PIK3CA: variants seen among roughly 807,000 people sequenced by gnomAD.
PIK3CA encodes the protein phosphatidylinositol-4,5-bisphosphate 3-kinase catalytic subunit alpha.
PIK3CA carries 27 observed loss-of-function variants against 138.2 expected under a neutral mutation model. The observed-to-expected ratio is 0.20, with a 90% CI of 0.14 to 0.27. The LOEUF (loss-of-function observed/expected upper bound fraction) is 0.27. Ranked by LOEUF, PIK3CA falls within the 10% of genes least tolerant of loss-of-function variation. The pLI, the probability that PIK3CA is intolerant of heterozygous loss-of-function variation, is 1.00. For synonymous variants in PIK3CA, 358 were observed against 413.2 expected, an observed-to-expected ratio of 0.87 and a Z score of 1.62; for missense variants, 544 against 1,277.4, an observed-to-expected ratio of 0.43 and a Z score of 8.75.
intron 9 of PIK3CA, among the ~76,000 whole-genome samples, chr3:179,215,487 C>T (rs1054449501): frequency 6.6e-6 from 1 of 151,842 alleles, no homozygotes; most frequent in Non-Finnish European, 1.5e-5. Context: ...CTAGAAATTA[C>T]TTCATCCATA....
intron 1 of PIK3CA, among the ~76,000 whole-genome samples, chr3:179,152,125 A>G (rs1199211843): frequency 2.0e-5 from 3 of 152,304 alleles, no homozygotes; most frequent in Non-Finnish European, 1.5e-5. Flanking sequence ...TATTCTTGCC[A>G]ATTTCATTTA....
At chr3:179,169,277 C>T (rs960048326) in intron 1 of PIK3CA, 5 of 152,178 alleles carry the variant, frequency 3.3e-5, no homozygotes, top group African/African-American at 1.2e-4. Flanking sequence ...TGGTCTCCTG[C>T]AATTTTTTTT....
chr3:179,183,578 A>G (rs137897427), intron 1 of PIK3CA, among the ~76,000 whole-genome samples: 2 of 152,334 alleles, frequency 1.3e-5, no homozygotes, highest in African/African-American at 2.4e-5. Flanking sequence ...CTTAAGTGCA[A>G]TAAAATTTCA....
intron 10 of PIK3CA, 92 bp downstream of exon 10, chr3:179,218,426 C>CT (rs1450910276): frequency 2.1e-6 from 2 of 961,712 alleles, no homozygotes; most frequent in African/African-American, 3.3e-5. Flanking sequence ...TTTACCATAC[C>CT]TATTGGAATA....
At chr3:179,150,966 A>G (rs1387166718) in intron 1 of PIK3CA, among the ~76,000 whole-genome samples, 5 of 152,240 alleles carry the variant, frequency 3.3e-5, no homozygotes, top group Non-Finnish European at 7.3e-5. Flanking sequence ...GAGCAGCTAC[A>G]GTAGCATTAA....
intron 9 of PIK3CA, 35 bp downstream of exon 9, chr3:179,210,600 TATA>T (rs1724686443): frequency 6.3e-7 from 1 of 1,599,500 alleles, no homozygotes; most frequent in African/African-American, 1.3e-5. Context: ...AAGTATCAAT[TATA>T]ATCTGTGGAT....
chr3:179,193,350 G>C (rs910352707), intron 1 of PIK3CA, among the ~76,000 whole-genome samples: 11 of 152,224 alleles, frequency 7.2e-5, no homozygotes, highest in Admixed American at 2.0e-4. Context: ...TTTATAGTTT[G>C]TAAAATGGTG....
At chr3:179,190,402 A>G (rs1348001379) in intron 1 of PIK3CA, among the ~76,000 whole-genome samples, 2 of 150,806 alleles carry the variant, frequency 1.3e-5, no homozygotes, top group Non-Finnish European at 2.9e-5. Context: ...TTTAATGAGT[A>G]TGTTGAGGTA....
intron 1 of PIK3CA, among the ~76,000 whole-genome samples, chr3:179,158,935 C>T (rs1052655795): frequency 2.2e-5 from 3 of 135,906 alleles, no homozygotes; most frequent in South Asian, 2.3e-4. Context: ...TATGTTCTTG[C>T]GTTTTAGCAG....
chr3:179,159,133 T>C (rs1723213121), intron 1 of PIK3CA, among the ~76,000 whole-genome samples: 1 of 152,198 alleles, frequency 6.6e-6, no homozygotes, highest in South Asian at 2.1e-4. Flanking sequence ...GTTGTAATTG[T>C]TTTCATTGTT....
At chr3:179,177,687 C>T (rs551284068) in intron 1 of PIK3CA, among the ~76,000 whole-genome samples, 2 of 152,216 alleles carry the variant, frequency 1.3e-5, no homozygotes, top group African/African-American at 4.8e-5. Flanking sequence ...AGAAAATTAA[C>T]AAAAAGATCA....
At chr3:179,153,586 G>A (rs1347028466) in intron 1 of PIK3CA, among the ~76,000 whole-genome samples, 1 of 152,146 alleles carries the variant, frequency 6.6e-6, no homozygotes, top group East Asian at 1.9e-4. Flanking sequence ...GTTTAGACTT[G>A]GGTCCCTAGT....
intron 16 of PIK3CA, 43 bp from the exon 17 acceptor site, chr3:179,225,919 C>A: frequency 1.0e-6 from 1 of 974,794 alleles, no homozygotes; most frequent in Non-Finnish European, 1.7e-6. Flanking sequence ...CCCAAATTTG[C>A]ATCTGTGGCA....
At chr3:179,156,180 G>A (rs1288246208) in intron 1 of PIK3CA, among the ~76,000 whole-genome samples, 1 of 152,174 alleles carries the variant, frequency 6.6e-6, no homozygotes, top group Non-Finnish European at 1.5e-5. Flanking sequence ...AAATTCTGTG[G>A]CAGAGAAAAG....
intron 1 of PIK3CA, among the ~76,000 whole-genome samples, chr3:179,165,270 A>G (rs113908982): frequency 1.3e-5 from 2 of 152,326 alleles, no homozygotes; most frequent in Non-Finnish European, 2.9e-5. Context: ...CTTATGACCT[A>G]TATTGATGCT....
chr3:179,172,698 T>C (rs1723589541), intron 1 of PIK3CA, among the ~76,000 whole-genome samples: 1 of 152,104 alleles, frequency 6.6e-6, no homozygotes, highest in South Asian at 2.1e-4. Context: ...TACAAAATAT[T>C]GTTGATGGAA....
rs543529186 is a variant in PIK3CA at position 179,203,102 on chromosome 3, G to A, written c.814-442G>A. On this transcript the variant is annotated intron_variant, in intron 4 of 20. Coordinates refer to ENST00000263967, the MANE Select transcript of PIK3CA (RefSeq NM_006218.4). Reference sequence around the variant, plus strand: ...ACTACAGGCGCCCGCCACTACGCCCGGCTAATTTTTTGTATTTTTAGTAGA... The same window carrying A: ...ACTACAGGCGCCCGCCACTACGCCCAGCTAATTTTTTGTATTTTTAGTAGA... 1.8e-4 allele frequency among the ~76,000 whole-genome samples: 28 copies of A among 151,744 alleles called. No individual in the cohort carries two copies. The East Asian group carries it at 2.1e-3, about 12-fold the overall frequency.
At chr3:179,186,552 G>A (rs1354981654) in intron 1 of PIK3CA, among the ~76,000 whole-genome samples, 1 of 152,192 alleles carries the variant, frequency 6.6e-6, no homozygotes, top group East Asian at 1.9e-4. Context: ...GGAACAATGT[G>A]TGGTTAGCAT....
intron 1 of PIK3CA, among the ~76,000 whole-genome samples, chr3:179,188,460 T>C (rs774122261): frequency 6.6e-6 from 1 of 152,156 alleles, no homozygotes; most frequent in African/African-American, 2.4e-5. Context: ...TGTTAGTATA[T>C]TTTTTTCCAT....
Sources: allele counts gnomAD v4.1 joint callset (sites outside exome capture counted in the v4.1 genomes callset), GRCh38; gene constraint gnomAD v4.1.1; transcripts MANE v1.5; gene names NCBI Gene and HGNC (gene_info 2026-07-23, HGNC 2026-07-21).